LARGE1: variants seen among roughly 807,000 people sequenced by gnomAD.
LARGE1 encodes LARGE xylosyl- and glucuronyltransferase 1.
Under a neutral mutation model 87.6 loss-of-function variants are expected in LARGE1, and 43 were observed. The ratio of observed to expected loss-of-function variants is 0.49; its 90% CI spans 0.38 to 0.63. LARGE1 has a LOEUF of 0.63. LARGE1 is among the 30% of genes least tolerant of loss of function. LARGE1 has a pLI of 0.00. For synonymous variants in LARGE1, 434 were observed against 394.6 expected, an observed-to-expected ratio of 1.10 and a Z score of -1.18; for missense variants, 802 against 1,000.2, an observed-to-expected ratio of 0.80 and a Z score of 2.67.
chr22:33,572,389 G>A (rs1279574099), intron 5 of LARGE1: 3 of 291,440 alleles, frequency 1.0e-5, no homozygotes, highest in African/African-American at 6.7e-5. Flanking sequence ...CGTGAAATGA[G>A]CACGAGCTTT....
intron 6 of LARGE1, among the ~76,000 whole-genome samples, chr22:33,503,627 C>T (rs138572708): frequency 0.018 from 2,784 of 151,762 alleles, 86 homozygotes; most frequent in African/African-American, 0.06. Flanking sequence ...GGTGAAACCA[C>T]GTCTCTACTA....
At chr22:33,161,258 G>C (rs1922014712), downstream of LARGE1, among the ~76,000 whole-genome samples, 1 of 152,130 alleles carries the variant, frequency 6.6e-6, no homozygotes, top group African/African-American at 2.4e-5. Context: ...ACGACCCATG[G>C]GGATGATGGG....
intron 6 of LARGE1, among the ~76,000 whole-genome samples, chr22:33,497,736 T>C (rs2070210704): frequency 6.6e-6 from 1 of 152,224 alleles, no homozygotes; most frequent in Non-Finnish European, 1.5e-5. Flanking sequence ...TAAATATCTG[T>C]AGTTCATATA....
chr22:33,140,729 G>A, the LARGE1 span, among the ~76,000 whole-genome samples: 64,097 of 151,990 alleles, frequency 0.42, 13,966 homozygotes, highest in South Asian at 0.68. Context: ...CAGGCCTTCA[G>A]CCACAGACTG....
In LARGE1 at chr22:33,351,864, G is replaced by A. The variant is rs145976718; in HGVS notation, c.1132-14063C>T. Among the ~76,000 whole-genome samples, 1,010 of 151,668 alleles carry A rather than the reference G, an allele frequency of 6.7e-3. 15 individuals carry two copies. Among genetic ancestry groups the A allele is most frequent in the African/African-American group, 0.024 (975 of 41,354 alleles). The stretch of plus-strand genomic sequence containing the variant: ...AGCGATTCTCCTGCCTCAGCCTCCC[G>A]AGTAGCTGGGATTACATGTGCGCGC... On this transcript the variant is annotated intron_variant, in intron 9 of 14. Coordinates refer to ENST00000397394, the MANE Select transcript of LARGE1 (RefSeq NM_133642.5).
At chr22:33,707,946 A>C (rs1306909055) in intron 2 of LARGE1, among the ~76,000 whole-genome samples, 1 of 152,084 alleles carries the variant, frequency 6.6e-6, no homozygotes, top group Non-Finnish European at 1.5e-5. Context: ...CCAAGCAGAG[A>C]CCCAGGATAT....
intron 1 of LARGE1, among the ~76,000 whole-genome samples, chr22:33,910,198 G>A (rs1467249358): frequency 1.3e-5 from 2 of 152,150 alleles, no homozygotes; most frequent in Non-Finnish European, 2.9e-5. Context: ...TCGAGGGCAG[G>A]GACAGGAAGC....
At chr22:33,558,952 T>C (rs2077774977) in intron 6 of LARGE1, among the ~76,000 whole-genome samples, 1 of 152,216 alleles carries the variant, frequency 6.6e-6, no homozygotes, top group South Asian at 2.1e-4. Context: ...ATAATGCACA[T>C]TATCTTGTAC....
intron 11 of LARGE1, among the ~76,000 whole-genome samples, chr22:33,255,553 G>T (rs984686878): frequency 7.2e-5 from 11 of 152,178 alleles, no homozygotes; most frequent in Admixed American, 2.0e-4. Flanking sequence ...TTTAATAAAA[G>T]AAAGCCATTC....
intron 11 of LARGE1, among the ~76,000 whole-genome samples, chr22:33,175,476 T>G (rs1922814847): frequency 6.6e-6 from 1 of 152,072 alleles, no homozygotes; most frequent in African/African-American, 2.4e-5. Context: ...ACAAAATCAA[T>G]GTGCAAAAAT....
At chr22:33,545,846 C>T (rs561173719) in intron 6 of LARGE1, among the ~76,000 whole-genome samples, 211 of 152,258 alleles carry the variant, frequency 1.4e-3, no homozygotes, top group Middle Eastern at 3.4e-3. Context: ...GGCCTCCCGA[C>T]GTGCTTGGAT....
intron 6 of LARGE1, among the ~76,000 whole-genome samples, chr22:33,531,721 A>T (rs2072211551): frequency 6.6e-6 from 1 of 152,268 alleles, no homozygotes; most frequent in African/African-American, 2.4e-5. Context: ...GAAACCGCCC[A>T]GGAGGCTCTG....
chr22:33,422,351 T>G (rs2147593703), intron 7 of LARGE1, among the ~76,000 whole-genome samples: 1 of 152,276 alleles, frequency 6.6e-6, no homozygotes, highest in South Asian at 2.1e-4. Context: ...TGGCTCACGG[T>G]TCTGCAGGCT....
At chr22:33,778,691 C>T (rs1193471965) in intron 1 of LARGE1, among the ~76,000 whole-genome samples, 2 of 152,228 alleles carry the variant, frequency 1.3e-5, no homozygotes, top group African/African-American at 4.8e-5. Flanking sequence ...CGCTCTGTCG[C>T]CCAGACTGGA....
chr22:33,134,141 C>T, the LARGE1 span, among the ~76,000 whole-genome samples: 9 of 152,054 alleles, frequency 5.9e-5, no homozygotes, highest in Non-Finnish European at 1.3e-4. Context: ...TCCCCGTAAA[C>T]CAGCAAACCA....
chr22:33,638,467 T>C lies in LARGE1; in HGVS notation c.408+11900A>G, dbSNP rs555030833. Among the ~76,000 whole-genome samples, 268 of 150,620 alleles carry C rather than the reference T, an allele frequency of 1.8e-3. 2 individuals are homozygous for C. Among genetic ancestry groups the C allele is most frequent in the African/African-American group, 6.3e-3 (254 of 40,028 alleles). On this transcript the variant is annotated intron_variant, in intron 3 of 14. Coordinates refer to ENST00000397394, the MANE Select transcript of LARGE1 (RefSeq NM_133642.5). Reference sequence around the variant, plus strand: ...CCCCCAAGGTGAAAGATGATCCCCATATAATGACTGGTAACCCTAAAGTCT... The same window carrying C: ...CCCCCAAGGTGAAAGATGATCCCCACATAATGACTGGTAACCCTAAAGTCT...
At position 33,761,559 on chromosome 22, in the gene LARGE1, C is replaced by A; in HGVS notation, c.-82-1G>T. The A allele has an allele frequency of 9.2e-7, 1 of 1,086,338 alleles. No individual in the cohort carries two copies. Among genetic ancestry groups the A allele is most frequent in the East Asian group, 2.4e-5 (1 of 41,548 alleles). 67.3% of individuals were successfully genotyped at this position (1,086,338 alleles called of 1,614,324 possible). The stretch of plus-strand genomic sequence containing the variant: ...TCCTCGGCCTCCCTCATAATACTCT[C>A]TGAAAGGAAGAGCAAAGAGGAAGGC... On this transcript the variant is annotated splice_acceptor_variant, in intron 1 of 14. Coordinates refer to ENST00000397394, the MANE Select transcript of LARGE1 (RefSeq NM_133642.5). LOFTEE classifies it low-confidence loss of function (5UTR_SPLICE).
chr22:33,287,667 G>A (rs1334860121), intron 12 of LARGE1, among the ~76,000 whole-genome samples: 4 of 152,162 alleles, frequency 2.6e-5, no homozygotes, highest in Non-Finnish European at 4.4e-5. Context: ...TCAACAATTT[G>A]CAGCCATTAG....
chr22:33,370,851 A>T (rs1476433986), intron 9 of LARGE1, among the ~76,000 whole-genome samples: 1 of 149,370 alleles, frequency 6.7e-6, no homozygotes, highest in Non-Finnish European at 1.5e-5. Context: ...ATTGATATTA[A>T]TATTAATAAA....
Sources: allele counts gnomAD v4.1 joint callset (sites outside exome capture counted in the v4.1 genomes callset), GRCh38; gene constraint gnomAD v4.1.1; transcripts MANE v1.5; gene names NCBI Gene and HGNC (gene_info 2026-07-23, HGNC 2026-07-21).